Variants in CACNA1D observed in about 807,000 individuals in gnomAD.
The protein encoded by CACNA1D is calcium voltage-gated channel subunit alpha1 D.
Under a neutral mutation model 257.1 loss-of-function variants are expected in CACNA1D, and 55 were observed. The observed-to-expected ratio is 0.21, with a 90% CI of 0.17 to 0.27. CACNA1D has a LOEUF of 0.27. Among genes scored for constraint, CACNA1D ranks in the 10% least tolerant of loss-of-function variants. CACNA1D has a pLI of 1.00. For missense variants in CACNA1D, 1,876 were observed against 2,784.0 expected (o/e 0.67, Z 7.34); for synonymous variants, 980 against 1,014.9 (o/e 0.97, Z 0.65).
intron 3 of CACNA1D, among the ~76,000 whole-genome samples, chr3:53,555,959 T>C (rs775188673): frequency 1.3e-5 from 2 of 152,218 alleles, no homozygotes; most frequent in African/African-American, 2.4e-5. Flanking sequence ...GCAAAACTTA[T>C]CCTGCCTCTT....
chr3:53,711,966 C>T (rs890854726), intron 9 of CACNA1D, among the ~76,000 whole-genome samples: 3 of 152,174 alleles, frequency 2.0e-5, no homozygotes, highest in Non-Finnish European at 2.9e-5. Flanking sequence ...GGGCTTGATG[C>T]AGCACCTGAA....
intron 3 of CACNA1D, among the ~76,000 whole-genome samples, chr3:53,523,857 CAAAG>C (rs2091667003): frequency 6.6e-6 from 1 of 152,210 alleles, no homozygotes; most frequent in African/African-American, 2.4e-5. Context: ...CATTCAGAAA[CAAAG>C]AGACTTGTTA....
chr3:53,770,108 C>A, intron 31 of CACNA1D, 91 bp downstream of exon 31: 1 of 1,058,346 alleles, frequency 9.4e-7, no homozygotes, highest in South Asian at 1.3e-5. Flanking sequence ...CTGTATTCTC[C>A]ATGATTGTCC....
At chr3:53,595,333 C>T (rs1246608663) in intron 3 of CACNA1D, among the ~76,000 whole-genome samples, 1 of 152,146 alleles carries the variant, frequency 6.6e-6, no homozygotes, top group East Asian at 1.9e-4. Context: ...TTGGGTGGAT[C>T]TAAGAATATT....
intron 8 of CACNA1D, among the ~76,000 whole-genome samples, chr3:53,683,659 G>C (rs1362770713): frequency 6.6e-6 from 1 of 152,170 alleles, no homozygotes; most frequent in Non-Finnish European, 1.5e-5. Flanking sequence ...CTATGAGCCT[G>C]TTTAAGGAAC....
intron 3 of CACNA1D, among the ~76,000 whole-genome samples, chr3:53,634,984 C>T (rs895551366): frequency 3.3e-5 from 5 of 152,142 alleles, no homozygotes; most frequent in Admixed American, 1.3e-4. Context: ...GGGAAGAATT[C>T]GTCTCATTTA....
At position 53,650,781 on chromosome 3, in the gene CACNA1D, A is replaced by G. The variant is rs1224163940; in HGVS notation, c.486A>G (p.Glu162=). The G allele has an allele frequency of 5.0e-6, 8 of 1,613,894 alleles. No individual in the cohort carries two copies. In the Admixed American group the frequency reaches 1.2e-4, roughly 24 times the overall value. ...TGTTTCTTTGTTTTTCTTCACAGGA[A>G]AAAGTAGAATATGCCTTCCTGATTA... ...DDSNSTNHNL[E]KVEYAFLIIF... Residue 162 remains glutamate (E), a splice_region_variant and synonymous_variant, in exon 4 of 48, where the codon GAA becomes GAG. Transcript: ENST00000350061.
rs1316004117 is a variant in CACNA1D, at chr3:53,805,157, A to T, written c.5749+11A>T. ...CTCCCACCCCAGCATGTGAGGCCAG[A>T]TTTTTTGTTTTGGGTGGAACCTCCC... is the stretch of plus-strand genomic sequence containing the variant. On this transcript the variant is annotated intron_variant, in intron 45 of 47. Coordinates refer to ENST00000350061, the MANE Select transcript of CACNA1D (RefSeq NM_001128840.3). 1 of 1,612,650 alleles carries T rather than the reference A, an allele frequency of 6.2e-7. No homozygotes were observed. Among genetic ancestry groups the T allele is most frequent in the East Asian group, 2.2e-5 (1 of 44,870 alleles).
chr3:53,652,463 T>C (rs141420447), intron 4 of CACNA1D, among the ~76,000 whole-genome samples: 259 of 152,222 alleles, frequency 1.7e-3, no homozygotes, highest in African/African-American at 6.0e-3. Context: ...CAGTTTTGGC[T>C]GAGGGCTAAG....
intron 3 of CACNA1D, among the ~76,000 whole-genome samples, chr3:53,530,823 T>C (rs1426842644): frequency 6.6e-6 from 1 of 151,992 alleles, no homozygotes; most frequent in African/African-American, 2.4e-5. Flanking sequence ...TCCCCCACAC[T>C]TGCTCTGCAC....
At chr3:53,726,483 A>G (rs2094936020) in intron 14 of CACNA1D, among the ~76,000 whole-genome samples, 1 of 152,054 alleles carries the variant, frequency 6.6e-6, no homozygotes, top group South Asian at 2.1e-4. Flanking sequence ...CTAAAAATAT[A>G]AAAATTAGCC....
intron 15 of CACNA1D, among the ~76,000 whole-genome samples, chr3:53,728,045 A>G (rs1188553562): frequency 6.6e-6 from 1 of 152,046 alleles, no homozygotes; most frequent in Non-Finnish European, 1.5e-5. Flanking sequence ...TCCCACCCAG[A>G]GAAGGTTCTT....
At chr3:53,752,085 A>T (rs549722552) in intron 28 of CACNA1D, among the ~76,000 whole-genome samples, 178 bp downstream of exon 28, 2 of 152,100 alleles carry the variant, frequency 1.3e-5, no homozygotes, top group Admixed American at 6.5e-5. Context: ...GGAGTTTAAG[A>T]TAGTTCTTTT....
rs759612097 is a variant in CACNA1D at position 53,749,530 on chromosome 3, T to C, written c.3516+61T>C. 5 of 1,182,976 alleles carry C rather than the reference T, an allele frequency of 4.2e-6. No individual in the cohort carries two copies. The Admixed American group carries it at 8.4e-5, about 20-fold the overall frequency. The allele number at this position is 1,182,976 out of a possible 1,614,324, so 73.3% of individuals were successfully genotyped here. A position where few individuals can be genotyped will look rare whatever the true frequency, so the allele number is the denominator to read the frequency against. Reference sequence around the variant, plus strand: ...GGTCAGGAGCGGAGTGCCTTCTTTATTGACTGATTTCCCCCATACCCAGAG... The same window carrying C: ...GGTCAGGAGCGGAGTGCCTTCTTTACTGACTGATTTCCCCCATACCCAGAG... On this transcript the variant is annotated intron_variant, in intron 27 of 47. Transcript: ENST00000350061.
chr3:53,674,227 G>A (rs567824645), intron 8 of CACNA1D, among the ~76,000 whole-genome samples: 1 of 152,284 alleles, frequency 6.6e-6, no homozygotes. Context: ...GGTCACCACA[G>A]TGCATTATAA....
At chr3:53,680,539 G>A (rs1044919867) in intron 8 of CACNA1D, among the ~76,000 whole-genome samples, 1 of 152,124 alleles carries the variant, frequency 6.6e-6, no homozygotes, top group Admixed American at 6.5e-5. Context: ...GTTGTTGAGG[G>A]TATTAGTGTT....
At chr3:53,578,453 A>G (rs1012025831) in intron 3 of CACNA1D, among the ~76,000 whole-genome samples, 2 of 152,156 alleles carry the variant, frequency 1.3e-5, no homozygotes, top group African/African-American at 2.4e-5. Flanking sequence ...TCATTGCTCT[A>G]TTCAAGGAAG....
chr3:53,787,000 A>G, intron 40 of CACNA1D, 48 bp downstream of exon 40: 3 of 1,603,652 alleles, frequency 1.9e-6, no homozygotes, highest in Non-Finnish European at 2.6e-6. Flanking sequence ...ACGATTTTAC[A>G]AGCTTATTTG....
intron 5 of CACNA1D, among the ~76,000 whole-genome samples, chr3:53,662,766 G>A (rs964699820): frequency 3.9e-5 from 6 of 152,108 alleles, no homozygotes; most frequent in African/African-American, 9.7e-5. Flanking sequence ...GTTCACAGTC[G>A]GATACAACTT....
Sources: gnomAD v4.1 joint callset for allele counts (sites outside exome capture counted in the v4.1 genomes callset) on GRCh38, gnomAD v4.1.1 for gene constraint, MANE v1.5 for transcripts, NCBI Gene and HGNC (gene_info 2026-07-23, HGNC 2026-07-21) for gene names.